Variants in ZRANB1 observed in about 807,000 individuals in gnomAD.
ZRANB1 encodes the protein ubiquitin thioesterase ZRANB1.
In ZRANB1, 16 loss-of-function variants were observed where a neutral mutation model predicts 80.5. The observed-to-expected ratio is 0.20, with a 90% confidence interval of 0.13 to 0.30. The LOEUF is 0.30. Among genes scored for constraint, ZRANB1 ranks in the 10% least tolerant of loss-of-function variants. The pLI, the probability that ZRANB1 is intolerant of heterozygous loss-of-function variation, is 1.00. For synonymous variants in ZRANB1, 291 were observed against 293.1 expected (o/e 0.99, Z 0.07); for missense variants, 576 against 862.6 (o/e 0.67, Z 4.16).
chr10:124,917,052 C>G, the ZRANB1 span: 1 of 152,544 alleles, frequency 6.6e-6, no homozygotes, highest in Non-Finnish European at 1.5e-5. Context: ...GCGCGCGGAC[C>G]CTCGGAGACC....
chr10:124,940,891 C>T (rs1332937609), upstream of ZRANB1, among the ~76,000 whole-genome samples: 8 of 151,910 alleles, frequency 5.3e-5, no homozygotes, highest in Admixed American at 3.3e-4. Context: ...GCAGGAGAAT[C>T]GCTTGAACCT....
chr10:124,971,998 A>G lies in ZRANB1; in HGVS notation c.1036A>G (p.Met346Val), dbSNP rs761308568. 18 of 1,608,374 alleles carry G rather than the reference A, an allele frequency of 1.1e-5. No individual in the cohort carries two copies. Among genetic ancestry groups the G allele is most frequent in the African/African-American group, 4.0e-5 (3 of 74,784 alleles). ...ACAAGCAGCAAAGTGTATTCCAGCAATGGTGTGTCCTGAACTGACAGAACA... is the reference window on the plus strand; with the variant it reads ...ACAAGCAGCAAAGTGTATTCCAGCAGTGGTGTGTCCTGAACTGACAGAACA... ...SQQAAKCIPAMVCPELTEQIR... is the reference protein window; with the variant it reads ...SQQAAKCIPAVVCPELTEQIR... The change falls in exon 3 of 9, where the codon ATG becomes GTG. Residue 346 changes from methionine (M) to valine (V), a missense_variant. Physicochemically the swap from Met to Val is conservative, Grantham distance 21 (BLOSUM62 1). Around this residue, in one of 3 missense-constraint regions of ZRANB1, gnomAD observed 411 missense variants for 583.1 expected, o/e 0.70. Coordinates refer to ENST00000359653, the MANE Select transcript of ZRANB1 (RefSeq NM_017580.3).
rs144076810 is a variant in ZRANB1, at chr10:124,958,536, A to G, written c.815-8058A>G. Among the ~76,000 whole-genome samples the G allele has an allele frequency of 2.6e-5, 4 of 152,284 alleles. No homozygotes were observed. The East Asian group carries it at 7.7e-4, about 29-fold the overall frequency. On this transcript the variant is annotated intron_variant, in intron 1 of 8. Transcript: ENST00000359653. Reference sequence around the variant, plus strand: ...TCTGTCAGATTTTTTGTGTATTTTCAGTCTTTTTTTTTGCATTTATTTACT... The same window carrying G: ...TCTGTCAGATTTTTTGTGTATTTTCGGTCTTTTTTTTTGCATTTATTTACT...
the ZRANB1 span, among the ~76,000 whole-genome samples, chr10:124,919,681 C>T: frequency 6.1e-5 from 9 of 148,172 alleles, no homozygotes; most frequent in East Asian, 2.0e-4. Context: ...GCGCGATTTC[C>T]GCTCACTGCA....
chr10:124,929,176 TG>T, the ZRANB1 span, among the ~76,000 whole-genome samples: 1 of 152,026 alleles, frequency 6.6e-6, no homozygotes, highest in East Asian at 1.9e-4. Context: ...GTAGTATCAG[TG>T]GTAGCTAGCT....
At position 124,983,429 on chromosome 10, in the gene ZRANB1, C is replaced by A; in HGVS notation, c.1679-30C>A. The A allele has an allele frequency of 6.3e-7, 1 of 1,598,260 alleles. No homozygotes were observed. The highest frequency in any genetic ancestry group is 8.6e-7 in the Non-Finnish European group (1 of 1,169,384). On this transcript the variant is annotated intron_variant, in intron 7 of 8. Transcript: ENST00000359653. The surrounding 1 kb of genome is among the most constrained non-coding windows in gnomAD (Gnocchi z 6.2). ...AGGGAGTGGCTCTTTCTTCCTGTGACTGTTGGGATTTTCTTCCCTCTCTTT... is the reference window on the plus strand; with the variant it reads ...AGGGAGTGGCTCTTTCTTCCTGTGAATGTTGGGATTTTCTTCCCTCTCTTT...
intron 1 of ZRANB1, among the ~76,000 whole-genome samples, chr10:124,964,751 A>G (rs968449097): frequency 2.6e-5 from 4 of 152,204 alleles, no homozygotes; most frequent in African/African-American, 9.7e-5. Context: ...AAAGACTATA[A>G]AAGGTGCCTT....
chr10:124,922,283 T>TAC, the ZRANB1 span, among the ~76,000 whole-genome samples: 2 of 36,690 alleles, frequency 5.5e-5, no homozygotes, highest in Non-Finnish European at 2.5e-4. Context: ...ATATGTAAAA[T>TAC]ATATATATAT....
At chr10:124,923,332 A>G in the ZRANB1 span, among the ~76,000 whole-genome samples, 1 of 149,836 alleles carries the variant, frequency 6.7e-6, no homozygotes, top group Admixed American at 6.6e-5. Context: ...TGTGGCTCAT[A>G]CCTGTAATCC....
At chr10:124,971,468 G>T (rs1367087739) in intron 2 of ZRANB1, among the ~76,000 whole-genome samples, 1 of 152,150 alleles carries the variant, frequency 6.6e-6, no homozygotes, top group Non-Finnish European at 1.5e-5. Context: ...AGGAAGAAAG[G>T]GCTTGAGGTC....
the ZRANB1 span, among the ~76,000 whole-genome samples, chr10:124,932,720 G>A: frequency 6.6e-6 from 1 of 150,376 alleles, no homozygotes; most frequent in Non-Finnish European, 1.5e-5. Context: ...ACCTAATGAT[G>A]TATGGTGTAT....
chr10:124,920,277 A>T, the ZRANB1 span, among the ~76,000 whole-genome samples: 1 of 152,068 alleles, frequency 6.6e-6, no homozygotes, highest in Non-Finnish European at 1.5e-5. Context: ...CTTCCTTTCC[A>T]ATAATAATCT....
intron 2 of ZRANB1, among the ~76,000 whole-genome samples, chr10:124,967,288 GAA>G (rs1951784609): frequency 2.0e-5 from 3 of 152,308 alleles, no homozygotes; most frequent in Non-Finnish European, 4.4e-5. Flanking sequence ...AATTTGAAGA[GAA>G]AGAGTTAGGA....
At chr10:124,981,578 C>A in intron 5 of ZRANB1, 131 bp from the exon 6 acceptor site, 1 of 868,628 alleles carries the variant, frequency 1.2e-6, no homozygotes, top group Non-Finnish European at 1.6e-6. Flanking sequence ...ACATTACCAA[C>A]CAGACAAAAT....
chr10:124,964,487 A>G (rs979763026), intron 1 of ZRANB1, among the ~76,000 whole-genome samples: 32 of 152,312 alleles, frequency 2.1e-4, no homozygotes, highest in Admixed American at 1.9e-3. Flanking sequence ...CAAGCAAAAG[A>G]AGGAAGTTAT....
chr10:124,976,544 CT>C (rs1213348341), intron 5 of ZRANB1, among the ~76,000 whole-genome samples: 3 of 140,146 alleles, frequency 2.1e-5, no homozygotes, highest in African/African-American at 8.0e-5. Flanking sequence ...AGCCAGTAAT[CT>C]TTTCTTTGGT....
chr10:124,929,805 G>A, the ZRANB1 span, among the ~76,000 whole-genome samples: 1 of 151,938 alleles, frequency 6.6e-6, no homozygotes, highest in African/African-American at 2.4e-5. Context: ...AAGTAGCTGG[G>A]TTTGGTGGCA....
At chr10:124,956,343 A>T (rs191103061) in intron 1 of ZRANB1, among the ~76,000 whole-genome samples, 138 of 152,332 alleles carry the variant, frequency 9.1e-4, no homozygotes, top group African/African-American at 3.1e-3. Context: ...CACACGGTTT[A>T]AAAAAACCCA....
intron 1 of ZRANB1, among the ~76,000 whole-genome samples, chr10:124,949,163 A>G (rs142034694): frequency 1.3e-5 from 2 of 152,306 alleles, no homozygotes; most frequent in African/African-American, 4.8e-5. Flanking sequence ...ACTTTCACTC[A>G]TGGCAATATT....
Sources: allele counts gnomAD v4.1 joint callset (sites outside exome capture counted in the v4.1 genomes callset), GRCh38; gene constraint gnomAD v4.1.1; regional missense constraint gnomAD v4.1.1; non-coding constraint Gnocchi (gnomAD v3.1); transcripts MANE v1.5; gene names NCBI Gene and HGNC (gene_info 2026-07-23, HGNC 2026-07-21).